STK3: variants seen among roughly 807,000 people sequenced by gnomAD.
STK3 encodes the protein serine/threonine-protein kinase 3.
In STK3, 41 loss-of-function variants were observed where a neutral mutation model predicts 58.0. The ratio of observed to expected loss-of-function variants is 0.71; its 90% CI spans 0.55 to 0.92. STK3 has a LOEUF of 0.92. STK3 is among the 40% of genes least tolerant of loss of function. The probability of loss-of-function intolerance (pLI) is 0.00; values close to 1 mark genes in which losing one functional copy is unlikely to be tolerated. For synonymous variants in STK3, 170 were observed against 191.0 expected (o/e 0.89, Z 0.91); for missense variants, 479 against 602.7 (o/e 0.79, Z 2.15).
At chr8:98,617,085 A>G (rs1320071470) in intron 6 of STK3, among the ~76,000 whole-genome samples, 6 of 151,174 alleles carry the variant, frequency 4.0e-5, no homozygotes, top group Admixed American at 3.3e-4. Flanking sequence ...CAGCAAATGT[A>G]AAAGAACAGA....
intron 1 of STK3, among the ~76,000 whole-genome samples, chr8:98,440,977 G>A (rs950106189): frequency 6.6e-6 from 1 of 152,120 alleles, no homozygotes; most frequent in Non-Finnish European, 1.5e-5. Flanking sequence ...TACCAGGTGT[G>A]GTTTATATAG....
intron 6 of STK3, among the ~76,000 whole-genome samples, chr8:98,693,065 G>A (rs999217811): frequency 6.6e-6 from 1 of 152,076 alleles, no homozygotes; most frequent in Admixed American, 6.5e-5. Context: ...GCCCTTATAA[G>A]AGAAAGGCAG....
At chr8:98,587,684 T>A (rs1814777570) in intron 7 of STK3, among the ~76,000 whole-genome samples, 1 of 152,086 alleles carries the variant, frequency 6.6e-6, no homozygotes, top group Non-Finnish European at 1.5e-5. Flanking sequence ...ATCTGTCTAA[T>A]GTTGACAGTG....
intron 7 of STK3, among the ~76,000 whole-genome samples, chr8:98,583,538 G>A (rs1254943896): frequency 1.3e-5 from 2 of 152,140 alleles, no homozygotes; most frequent in Admixed American, 6.5e-5. Context: ...TAGCAGCCCA[G>A]GAAGCATCAG....
intron 6 of STK3, among the ~76,000 whole-genome samples, chr8:98,650,862 A>G (rs1341025431): frequency 6.6e-6 from 1 of 152,220 alleles, no homozygotes; most frequent in Non-Finnish European, 1.5e-5. Context: ...AGCACCCACC[A>G]CAGCTCAAGG....
intron 3 of STK3, among the ~76,000 whole-genome samples, chr8:98,870,033 C>T (rs1290047918): frequency 2.0e-5 from 3 of 152,024 alleles, no homozygotes; most frequent in African/African-American, 7.2e-5. Flanking sequence ...TGTGATGTTC[C>T]CCACCCTGTG....
the STK3 span, among the ~76,000 whole-genome samples, chr8:98,344,892 CAAAAAAAAA>C: frequency 8.4e-5 from 4 of 47,402 alleles, no homozygotes; most frequent in Middle Eastern, 0.015. Flanking sequence ...GACTCCGTCT[CAAAAAAAAA>C]AAAAAAAAAA....
At chr8:98,447,629 ATTG>A (rs1819011569) in intron 1 of STK3, among the ~76,000 whole-genome samples, 1 of 126,002 alleles carries the variant, frequency 7.9e-6, no homozygotes, top group Non-Finnish European at 1.7e-5. Flanking sequence ...GTATCTATAT[ATTG>A]CAATACTATA....
At chr8:98,790,371 A>G (rs1197489374) in intron 1 of STK3, among the ~76,000 whole-genome samples, 1 of 152,254 alleles carries the variant, frequency 6.6e-6, no homozygotes, top group Non-Finnish European at 1.5e-5. Context: ...ATGGTTTAAC[A>G]TACACAATGT....
At chr8:98,720,925 A>T (rs993023448) in intron 4 of STK3, 2 of 200,758 alleles carry the variant, frequency 1.0e-5, no homozygotes, top group African/African-American at 4.7e-5. Flanking sequence ...GATACCAGCC[A>T]TAAATAGGCA....
intron 1 of STK3, among the ~76,000 whole-genome samples, chr8:98,910,849 G>A (rs1347312396): frequency 6.6e-6 from 1 of 152,202 alleles, no homozygotes; most frequent in Non-Finnish European, 1.5e-5. Flanking sequence ...CACGGTTACA[G>A]TGCTCAAGAG....
Position 98,775,677 on chromosome 8 carries a change from G to A in STK3, c.27-858C>T, listed in dbSNP as rs1481969516. Among the ~76,000 whole-genome samples, 3 of 152,218 alleles carry A rather than the reference G, an allele frequency of 2.0e-5. No homozygotes were observed. The East Asian group carries it at 5.8e-4, about 29-fold the overall frequency. On this transcript the variant is annotated intron_variant, in intron 1 of 10. Transcript: ENST00000419617. ...TGGGAAATGTCTTACAAAAGAGCAT[G>A]GTGTTGGAATGACCACCATATACAA...
chr8:98,364,915 C>T, the STK3 span, among the ~76,000 whole-genome samples: 1 of 152,236 alleles, frequency 6.6e-6, no homozygotes, highest in Admixed American at 6.5e-5. Flanking sequence ...CCCTGCATGA[C>T]TCCAGTTGCC....
rs200556218 is a variant in STK3 at position 98,903,556 on chromosome 8, C to CTTCTTCCTCTTCTTCTT, written c.-78-19723_-78-19722insAAGAAGAAGAGGAAGAA. Among the ~76,000 whole-genome samples, 136 of 50,516 alleles carry CTTCTTCCTCTTCTTCTT rather than the reference C, an allele frequency of 2.7e-3. 5 individuals are homozygous for CTTCTTCCTCTTCTTCTT. Among genetic ancestry groups the CTTCTTCCTCTTCTTCTT allele is most frequent in the African/African-American group, 8.9e-3 (131 of 14,662 alleles). The allele number at this position is 50,516 out of a possible 152,430, so 33.1% of individuals were successfully genotyped here. The stretch of plus-strand genomic sequence containing the variant: ...TCTTCTTCTTCTTCTTCTTCTTCTT[C>CTTCTTCCTCTTCTTCTT]CTTTTTTTTTTTTTAAGTGGGGCCT... On this transcript the variant is annotated intron_variant, in intron 1 of 1. Coordinates refer to the STK3 transcript ENST00000519420.
chr8:98,823,600 T>C (rs891066235), intron 1 of STK3, among the ~76,000 whole-genome samples: 1 of 152,234 alleles, frequency 6.6e-6, no homozygotes, highest in Non-Finnish European at 1.5e-5. Flanking sequence ...GTTGAACACA[T>C]AGGGGCTTCA....
intron 8 of STK3, among the ~76,000 whole-genome samples, chr8:98,565,457 T>C (rs1358165179): frequency 1.3e-5 from 2 of 152,168 alleles, no homozygotes; most frequent in African/African-American, 2.4e-5. Flanking sequence ...TGACAAGAAC[T>C]CTGTATTCCA....
intron 8 of STK3, among the ~76,000 whole-genome samples, chr8:98,564,368 T>C (rs1348147051): frequency 6.6e-6 from 1 of 152,124 alleles, no homozygotes; most frequent in Non-Finnish European, 1.5e-5. Flanking sequence ...ATTTCATTCA[T>C]TTTTATGGTA....
At chr8:98,385,403 T>G (rs1817780538) in intron 1 of STK3, among the ~76,000 whole-genome samples, 1 of 152,190 alleles carries the variant, frequency 6.6e-6, no homozygotes, top group Admixed American at 6.5e-5. Flanking sequence ...CAGAGTCTCC[T>G]CTGGTCCCTA....
At chr8:98,478,954 G>C (rs1307867565) in intron 10 of STK3, among the ~76,000 whole-genome samples, 1 of 152,192 alleles carries the variant, frequency 6.6e-6, no homozygotes. Context: ...TCCTGATGAG[G>C]TGGCAGTGGT....
Sources: allele counts gnomAD v4.1 joint callset (sites outside exome capture counted in the v4.1 genomes callset), GRCh38; gene constraint gnomAD v4.1.1; transcripts MANE v1.5; gene names NCBI Gene and HGNC (gene_info 2026-07-23, HGNC 2026-07-21).